Variants in NBEAL1 observed in about 807,000 individuals in gnomAD.
NBEAL1 encodes neurobeachin like 1.
A neutral mutation model predicts 351.3 loss-of-function variants in NBEAL1; 273 were observed. The observed-to-expected ratio is 0.78, with a 90% CI of 0.70 to 0.86. The LOEUF is 0.86. Among genes scored for constraint, NBEAL1 ranks in the 40% least tolerant of loss-of-function variants. The pLI is 0.00. For synonymous variants in NBEAL1, 1,050 were observed against 1,086.4 expected (o/e 0.97, Z 0.66); for missense variants, 2,961 against 3,201.3 (o/e 0.92, Z 1.81).
At chr2:203,115,364 T>C (rs1377472246) in intron 17 of NBEAL1, among the ~76,000 whole-genome samples, 1 of 152,014 alleles carries the variant, frequency 6.6e-6, no homozygotes, top group Non-Finnish European at 1.5e-5. Context: ...CCTCAGGTGA[T>C]CCTCCCGCCT....
chr2:203,135,254 TTATGTGTCC>T (rs145992458), intron 27 of NBEAL1, among the ~76,000 whole-genome samples: 5,313 of 152,118 alleles, frequency 0.035, 293 homozygotes, highest in African/African-American at 0.12. Flanking sequence ...TCAAAATGTC[TTATGTGTCC>T]TATTCACTCC....
chr2:203,211,665 T>A (rs1015342853), intron 54 of NBEAL1, among the ~76,000 whole-genome samples: 1 of 152,096 alleles, frequency 6.6e-6, no homozygotes, highest in Admixed American at 6.5e-5. Flanking sequence ...TTTAAATATG[T>A]AGAGCTAGAA....
chr2:203,196,792 G>A (rs1283918818), intron 47 of NBEAL1, among the ~76,000 whole-genome samples: 1 of 152,146 alleles, frequency 6.6e-6, no homozygotes, highest in Admixed American at 6.5e-5. Context: ...ATTGTTATAA[G>A]ATAATGGCAG....
intron 41 of NBEAL1, among the ~76,000 whole-genome samples, chr2:203,174,898 A>T (rs1001248595): frequency 1.2e-4 from 18 of 148,658 alleles, no homozygotes; most frequent in African/African-American, 2.5e-4. Flanking sequence ...AATAAATAAA[A>T]ATAAAAATGA....
intron 46 of NBEAL1, among the ~76,000 whole-genome samples, chr2:203,191,647 G>A (rs982773917): frequency 3.3e-5 from 5 of 152,002 alleles, no homozygotes; most frequent in Non-Finnish European, 7.4e-5. Context: ...TCATTTTTTA[G>A]GAGTTAAAGC....
rs184309844 is a variant in NBEAL1 at position 203,199,354 on chromosome 2, A to G, written c.7145A>G (p.Asn2382Ser). The G allele has an allele frequency of 1.3e-6, 2 of 1,582,292 alleles. No individual in the cohort carries two copies. Among genetic ancestry groups the G allele is most frequent in the East Asian group, 2.2e-5 (1 of 44,676 alleles). ...SPELLITISM[N>S]YVIGTHGWLP... ...CTTTTCCAGATAACAATAAGCATGA[A>G]TTATGTTATTGGAACCCATGGATGG... The change falls in exon 49 of 56, where the codon AAT (asparagine) becomes AGT (serine). Residue 2382 changes from asparagine to serine, a missense_variant. By Grantham distance (46) the Asn-to-Ser change is conservative. Coordinates refer to ENST00000683969, the MANE Select transcript of NBEAL1 (RefSeq NM_001378026.1).
chr2:203,097,056 G>A (rs2062200675), intron 10 of NBEAL1, among the ~76,000 whole-genome samples: 1 of 152,178 alleles, frequency 6.6e-6, no homozygotes, highest in Non-Finnish European at 1.5e-5. Flanking sequence ...GAAGGTGAAT[G>A]ACACGTCTCA....
In NBEAL1 at chr2:203,021,593, T is replaced by TA. The variant is rs34159977; in HGVS notation, c.51+5170dup. Among the ~76,000 whole-genome samples, 226 of 147,226 alleles carry TA rather than the reference T, an allele frequency of 1.5e-3. 3 individuals are homozygous for TA. The highest frequency in any genetic ancestry group is 0.011 in the East Asian group (54 of 5,034). ...CTGGGTGACAGAGTGAGACCCCATT[T>TA]AAAAAAAAAAAATTAGTTTATATAT... On this transcript the variant is annotated intron_variant, in intron 2 of 55. Coordinates refer to ENST00000683969, the MANE Select transcript of NBEAL1 (RefSeq NM_001378026.1).
Position 203,135,710 on chromosome 2 carries a change from G to A in NBEAL1, c.3847G>A (p.Ala1283Thr), listed in dbSNP as rs560220769. ...AATTTTGCAGTTCCAGCCAGATGCA[G>A]CACATCAAATATCACAGCAAGTGGG... The part of the protein sequence containing the change: ...LQILQFQPDA[A>T]HQISQQVGWQ... Residue 1283 changes from alanine to threonine, a missense_variant, in exon 28 of 56, where the codon GCA becomes ACA. Coordinates refer to ENST00000683969, the MANE Select transcript of NBEAL1 (RefSeq NM_001378026.1). The A allele has an allele frequency of 2.6e-6, 4 of 1,545,150 alleles. No individual in the cohort carries two copies. Among genetic ancestry groups the A allele is most frequent in the African/African-American group, 2.7e-5 (2 of 72,988 alleles).
chr2:203,103,805 A>G (rs1437207645), intron 12 of NBEAL1, among the ~76,000 whole-genome samples: 3 of 152,068 alleles, frequency 2.0e-5, no homozygotes, highest in Non-Finnish European at 4.4e-5. Flanking sequence ...TGTATGTTGT[A>G]TCTTCTCATT....
intron 8 of NBEAL1, among the ~76,000 whole-genome samples, chr2:203,081,402 T>G (rs1202436970): frequency 6.6e-6 from 1 of 152,218 alleles, no homozygotes. Flanking sequence ...TTTAGTTTAT[T>G]AATTTATGAT....
intron 2 of NBEAL1, among the ~76,000 whole-genome samples, chr2:203,029,036 A>G (rs996555851): frequency 3.3e-5 from 5 of 152,222 alleles, no homozygotes; most frequent in South Asian, 2.1e-4. Flanking sequence ...CTCAGGCTGG[A>G]GTGCAATGGT....
rs764997359 is a variant in NBEAL1 at position 203,163,972 on chromosome 2, A to G, written c.5715-2177A>G. On this transcript the variant is annotated intron_variant, in intron 36 of 55. Coordinates refer to ENST00000683969, the MANE Select transcript of NBEAL1 (RefSeq NM_001378026.1). ...TTTTTAATTGGTTGTCTTTTTTCTTATTCAACTGTAGGATATTTTCATATA... is the reference window on the plus strand; with the variant it reads ...TTTTTAATTGGTTGTCTTTTTTCTTGTTCAACTGTAGGATATTTTCATATA... Among the ~76,000 whole-genome samples the G allele has an allele frequency of 3.0e-4, 46 of 151,884 alleles. 1 individual carries two copies. In the Middle Eastern group the frequency reaches 0.01, roughly 34 times the overall value.
rs1244904301 is a variant in NBEAL1, at chr2:203,049,858, T to C, written c.188T>C (p.Ile63Thr). The C allele has an allele frequency of 2.6e-6, 4 of 1,555,528 alleles. No homozygotes were observed. Among genetic ancestry groups the C allele is most frequent in the Non-Finnish European group, 3.5e-6 (4 of 1,147,730 alleles). The change falls in exon 4 of 56, where the codon ATT becomes ACT. Residue 63 changes from isoleucine (I) to threonine (T), a missense_variant. By Grantham distance (89) the Ile-to-Thr change is moderately conservative. Coordinates refer to ENST00000683969, the MANE Select transcript of NBEAL1 (RefSeq NM_001378026.1). ...GGAATATCTCTGCTTCCTGATAATA[T>C]TCTGCAGGTTCTGAGGATCCAGCTT... ...PPGISLLPDN[I>T]LQVLRIQLLQ...
chr2:203,145,269 A>G, intron 33 of NBEAL1, 109 bp downstream of exon 33: 2 of 953,448 alleles, frequency 2.1e-6, no homozygotes, highest in Admixed American at 3.2e-5. Flanking sequence ...TATTTCTTTT[A>G]TTTGTCTAAA....
At chr2:203,090,336 G>A (rs551094206) in intron 10 of NBEAL1, among the ~76,000 whole-genome samples, 5 of 152,038 alleles carry the variant, frequency 3.3e-5, no homozygotes, top group African/African-American at 2.4e-5. Context: ...TTTCAACCTC[G>A]AGCCTCCTTT....
At chr2:203,188,163 A>G (rs2064966101) in intron 44 of NBEAL1, among the ~76,000 whole-genome samples, 1 of 152,148 alleles carries the variant, frequency 6.6e-6, no homozygotes, top group Admixed American at 6.6e-5. Flanking sequence ...GATGCATTCC[A>G]TATCTATCTT....
At chr2:203,021,126 C>T (rs1574855251) in intron 2 of NBEAL1, among the ~76,000 whole-genome samples, 1 of 152,020 alleles carries the variant, frequency 6.6e-6, no homozygotes, top group East Asian at 2.0e-4. Flanking sequence ...CGGGGTTTCA[C>T]CATGTTGGTC....
intron 44 of NBEAL1, among the ~76,000 whole-genome samples, chr2:203,187,741 T>TC (rs888201364): frequency 7.6e-6 from 1 of 131,120 alleles, no homozygotes; most frequent in African/African-American, 2.8e-5. Flanking sequence ...AGAGACTTCG[T>TC]CCCAAAAAAA....
Sources: gnomAD v4.1 joint callset for allele counts (sites outside exome capture counted in the v4.1 genomes callset) on GRCh38, gnomAD v4.1.1 for gene constraint, MANE v1.5 for transcripts, NCBI Gene and HGNC (gene_info 2026-07-23, HGNC 2026-07-21) for gene names.